The following ZBTB16 variants were observed in gnomAD, a reference collection of about 807,000 sequenced individuals.
ZBTB16 encodes the protein zinc finger and BTB domain-containing protein 16.
Under a neutral mutation model 56.8 loss-of-function variants are expected in ZBTB16, and 8 were observed. The observed-to-expected ratio is 0.14, with a 90% CI of 0.08 to 0.25. ZBTB16 has a LOEUF of 0.25. Among genes scored for constraint, ZBTB16 ranks in the 10% least tolerant of loss-of-function variants. ZBTB16 has a pLI of 1.00. For missense variants in ZBTB16, 625 were observed against 903.0 expected (o/e 0.69, Z 3.95); for synonymous variants, 363 against 368.5 (o/e 0.98, Z 0.17).
intron 2 of ZBTB16, among the ~76,000 whole-genome samples, chr11:114,089,120 C>T (rs1039551387): frequency 5.3e-5 from 8 of 152,344 alleles, no homozygotes; most frequent in African/African-American, 1.7e-4. Context: ...GTGGAAGAGC[C>T]TTCATGAAGA....
chr11:114,163,405 GGTTGTTTTT>G (rs1565660589), intron 3 of ZBTB16, among the ~76,000 whole-genome samples: 1 of 151,938 alleles, frequency 6.6e-6, no homozygotes, highest in Non-Finnish European at 1.5e-5. Flanking sequence ...TTGTTGTGTG[GGTTGTTTTT>G]GTTTTTTTTG....
In ZBTB16 at chr11:114,066,099, G is replaced by C. The variant is rs146677810; in HGVS notation, c.1268+1531G>C. Among the ~76,000 whole-genome samples the C allele has an allele frequency of 6.9e-3, 1,050 of 152,270 alleles. 13 individuals carry two copies. Among genetic ancestry groups the C allele is most frequent in the African/African-American group, 0.024 (993 of 41,548 alleles). On this transcript the variant is annotated intron_variant, in intron 2 of 6. Transcript: ENST00000335953. The stretch of plus-strand genomic sequence containing the variant: ...TGCATACCCTGTGGTCTGCTGTTTT[G>C]CTGATCTTGGGTGGATTCTCCACTT...
intron 2 of ZBTB16, among the ~76,000 whole-genome samples, chr11:114,110,998 G>C (rs1940982593): frequency 6.6e-6 from 1 of 152,182 alleles, no homozygotes; most frequent in African/African-American, 2.4e-5. Context: ...GGAACCTGTT[G>C]TGCATGTTGG....
intron 2 of ZBTB16, among the ~76,000 whole-genome samples, chr11:114,085,084 G>A (rs958283420): frequency 6.6e-6 from 1 of 152,192 alleles, no homozygotes; most frequent in African/African-American, 2.4e-5. Flanking sequence ...GGATTTTGAC[G>A]ATACCTCTGA....
rs750086769 is a variant in ZBTB16 at position 114,250,444 on chromosome 11, G to A, written c.1911G>A (p.Glu637=). ...CCTACCAGTGCACCATCTGCACAGA[G>A]TACTGCCCCAGCCTCTCCTCCATGC... ...ASPYQCTICT[E]YCPSLSSMQK... Residue 637 remains glutamate (E), a synonymous_variant, in exon 7 of 7, where the codon GAG becomes GAA. Transcript: ENST00000335953. The surrounding 1 kb of genome is among the most constrained non-coding windows in gnomAD (Gnocchi z 6.0). The A allele has an allele frequency of 3.7e-6, 6 of 1,614,010 alleles. No individual in the cohort carries two copies. In the East Asian group the frequency reaches 8.9e-5, roughly 24 times the overall value.
In ZBTB16 at chr11:114,233,121, ACACACTCTCTCT is replaced by A. The variant is rs796249468; in HGVS notation, c.1454-9044_1454-9033del. Among the ~76,000 whole-genome samples, 514 of 58,920 alleles carry A rather than the reference ACACACTCTCTCT, an allele frequency of 8.7e-3. 5 individuals carry two copies. Among genetic ancestry groups the A allele is most frequent in the African/African-American group, 0.024 (476 of 19,562 alleles). 38.7% of individuals were successfully genotyped at this position (58,920 alleles called of 152,430 possible). ...CACACACACACACACACACACACAC[ACACACTCTCTCT>A]CTCTCACACTCCCTTTCCTTCTTCC... On this transcript the variant is annotated intron_variant, in intron 4 of 6. Transcript: ENST00000335953.
intron 6 of ZBTB16, among the ~76,000 whole-genome samples, chr11:114,249,306 A>C (rs1176141738): frequency 6.6e-6 from 1 of 151,852 alleles, no homozygotes; most frequent in African/African-American, 2.4e-5. Context: ...TAAAAATACA[A>C]AAATTAGCCG....
chr11:114,194,578 A>G (rs879631710), intron 4 of ZBTB16, among the ~76,000 whole-genome samples: 1 of 152,236 alleles, frequency 6.6e-6, no homozygotes, highest in South Asian at 2.1e-4. Context: ...TGACAAATAC[A>G]TATTGCAAAA....
At position 114,247,054 on chromosome 11, in the gene ZBTB16, G is replaced by T. The variant is rs1053570611; in HGVS notation, c.1625-144G>T. On this transcript the variant is annotated intron_variant, in intron 5 of 6. Coordinates refer to ENST00000335953, the MANE Select transcript of ZBTB16 (RefSeq NM_006006.6). ...AGGTATTGCTTGTTTATTCAATGGA[G>T]GTGTGGCCGTGGATCCTTAAGTTGT... 5 of 945,338 alleles carry T rather than the reference G, an allele frequency of 5.3e-6. No individual in the cohort carries two copies. The East Asian group carries it at 1.3e-4, about 24-fold the overall frequency. 58.6% of individuals were successfully genotyped at this position (945,338 alleles called of 1,614,324 possible).
rs144471910 is a variant in ZBTB16 at position 114,097,525 on chromosome 11, A to G, written c.1268+32957A>G. Among the ~76,000 whole-genome samples, 15 of 152,338 alleles carry G rather than the reference A, an allele frequency of 9.8e-5. No homozygotes were observed. In the East Asian group the frequency reaches 2.9e-3, roughly 29 times the overall value. On this transcript the variant is annotated intron_variant, in intron 2 of 6. Transcript: ENST00000335953. ...TAATTGCAATACTTGGCATTTGAGAAAAAATTCTTAGAAAATACTGAGAAT... is the reference window on the plus strand; with the variant it reads ...TAATTGCAATACTTGGCATTTGAGAGAAAATTCTTAGAAAATACTGAGAAT...
Position 114,251,278 on chromosome 11 carries a change from C to G in ZBTB16, c.*723C>G, listed in dbSNP as rs1944913461. 6.6e-6 allele frequency among the ~76,000 whole-genome samples: 1 copy of G among 152,114 alleles called. No homozygotes were observed. Among genetic ancestry groups the G allele is most frequent in the Admixed American group, 6.5e-5 (1 of 15,274 alleles). ...GCCCCTCAGGGACCTGGCGGTGTCT[C>G]CATCCTTCTCCGGTTCCCTAGTGGG... On this transcript the variant is annotated 3_prime_UTR_variant, in exon 7 of 7. Transcript: ENST00000335953.
At chr11:114,066,742 T>G (rs920637380) in intron 2 of ZBTB16, among the ~76,000 whole-genome samples, 2 of 151,556 alleles carry the variant, frequency 1.3e-5, no homozygotes, top group African/African-American at 4.8e-5. Flanking sequence ...TTATTTAACC[T>G]TTCTGGGCCT....
At chr11:114,173,641 G>A (rs944607311) in intron 3 of ZBTB16, among the ~76,000 whole-genome samples, 1 of 152,210 alleles carries the variant, frequency 6.6e-6, no homozygotes, top group Non-Finnish European at 1.5e-5. Context: ...TGAGTAAAGG[G>A]CAGACTATAA....
chr11:114,123,691 C>A (rs1176807690), intron 2 of ZBTB16, among the ~76,000 whole-genome samples: 1 of 152,102 alleles, frequency 6.6e-6, no homozygotes, highest in East Asian at 1.9e-4. Flanking sequence ...ATTTCTTGTA[C>A]TTTCTGAGGA....
intron 4 of ZBTB16, among the ~76,000 whole-genome samples, chr11:114,216,239 G>C (rs529034154): frequency 1.1e-4 from 17 of 152,300 alleles, no homozygotes; most frequent in African/African-American, 4.1e-4. Context: ...GATGGGTGGG[G>C]ACAAATGCAG....
At chr11:114,209,579 T>C in intron 4 of ZBTB16, 2 of 985,378 alleles carry the variant, frequency 2.0e-6, no homozygotes, top group Non-Finnish European at 2.4e-6. Flanking sequence ...ACTTGGACAA[T>C]CATTTCTTGC....
chr11:114,239,748 G>C (rs1226287941), intron 4 of ZBTB16, among the ~76,000 whole-genome samples: 1 of 152,164 alleles, frequency 6.6e-6, no homozygotes, highest in African/African-American at 2.4e-5. Flanking sequence ...AGCCATTGCT[G>C]GAGCTGTACT....
intron 4 of ZBTB16, among the ~76,000 whole-genome samples, chr11:114,211,548 A>G (rs1389375473): frequency 6.6e-6 from 1 of 152,190 alleles, no homozygotes; most frequent in African/African-American, 2.4e-5. Flanking sequence ...TACTGTTACC[A>G]CAGTTGTTAC....
chr11:114,067,616 AGGCTGGCCT>A (rs1248340030), intron 2 of ZBTB16, among the ~76,000 whole-genome samples: 4 of 152,252 alleles, frequency 2.6e-5, no homozygotes, highest in African/African-American at 9.6e-5. Context: ...CATGTTGGTC[AGGCTGGCCT>A]GGAACTCCTG....
Sources: gnomAD v4.1 joint callset for allele counts (sites outside exome capture counted in the v4.1 genomes callset) on GRCh38, gnomAD v4.1.1 for gene constraint, Gnocchi (gnomAD v3.1) non-coding constraint, MANE v1.5 for transcripts, NCBI Gene and HGNC (gene_info 2026-07-23, HGNC 2026-07-21) for gene names.